Variants in MACF1 observed in about 807,000 individuals in gnomAD.
The protein encoded by MACF1 is microtubule-actin cross-linking factor 1.
A neutral mutation model predicts 854.8 loss-of-function variants in MACF1; 193 were observed. That is an observed-to-expected ratio of 0.23 (90% confidence interval 0.20 to 0.25). The LOEUF (loss-of-function observed/expected upper bound fraction) is 0.25, where lower values mean the gene tolerates loss of function less well. MACF1 is among the 10% of genes least tolerant of loss of function. The pLI is 1.00. For synonymous variants in MACF1, 3,185 were observed against 3,226.7 expected, an observed-to-expected ratio of 0.99 and a Z score of 0.44; for missense variants, 7,722 against 8,929.1, an observed-to-expected ratio of 0.86 and a Z score of 5.45.
At chr1:39,169,171 T>G (rs1406100841) in intron 2 of MACF1, among the ~76,000 whole-genome samples, 1 of 152,246 alleles carries the variant, frequency 6.6e-6, no homozygotes, top group Non-Finnish European at 1.5e-5. Context: ...CAGTCACTTA[T>G]CACTTTGTAC....
At chr1:39,091,386 C>T (rs969320940) in intron 2 of MACF1, among the ~76,000 whole-genome samples, 20 of 152,182 alleles carry the variant, frequency 1.3e-4, no homozygotes, top group African/African-American at 4.8e-4. Flanking sequence ...GCCTCAGTTT[C>T]TTACAGTTAA....
chr1:39,431,623 G>A (rs1286129268), intron 66 of MACF1, among the ~76,000 whole-genome samples: 1 of 152,110 alleles, frequency 6.6e-6, no homozygotes, highest in Non-Finnish European at 1.5e-5. Context: ...CTTGGGAGAA[G>A]CGTATTTTTA....
intron 2 of MACF1, among the ~76,000 whole-genome samples, chr1:39,185,544 C>T (rs990906834): frequency 2.0e-5 from 3 of 151,534 alleles, no homozygotes; most frequent in African/African-American, 7.3e-5. Context: ...CAAGATATAT[C>T]AGAAGCAAGA....
rs369444363 is a variant in MACF1, at chr1:39,185,514, A to AT, written c.221-45658dup. On this transcript the variant is annotated intron_variant, in intron 2 of 93. Transcript: ENST00000361689. ...AGGCCCAGTTTCTTTAAAAAAAAAA[A>AT]TTTTTTTTTTAAATAAACCCAAGAT... Among the ~76,000 whole-genome samples, 1,394 of 149,892 alleles carry AT rather than the reference A, an allele frequency of 9.3e-3. 8 individuals carry two copies. The highest frequency in any genetic ancestry group is 0.015 in the Non-Finnish European group (1,013 of 67,472).
In MACF1 at chr1:39,452,704, A is replaced by G. The variant is rs369175368; in HGVS notation, c.20634A>G (p.Thr6878=). Residue 6878 remains threonine (T), a synonymous_variant, in exon 87 of 101, where the codon ACA becomes ACG. Coordinates refer to ENST00000564288, the MANE Select transcript of MACF1 (RefSeq NM_001394062.1). ...ALKQAEVFRD[T]VHMLLEWLSE... is the part of the protein sequence containing the mutation. ...TTCAGGCGGAAGTGTTTCGAGACAC[A>G]GTCCACATGCTGTTGGAGTGGCTTT... The G allele has an allele frequency of 9.3e-6, 15 of 1,613,298 alleles. No individual in the cohort carries two copies. The African/African-American group carries it at 2.0e-4, about 22-fold the overall frequency.
chr1:39,477,159 T>A, intron 97 of MACF1, among the ~76,000 whole-genome samples: 1 of 67,374 alleles, frequency 1.5e-5, no homozygotes, highest in Non-Finnish European at 3.0e-5. Context: ...CACACAGATG[T>A]GCAAAGGAGT....
chr1:39,271,370 G>A (rs1319853136), intron 6 of MACF1, among the ~76,000 whole-genome samples: 1 of 152,042 alleles, frequency 6.6e-6, no homozygotes, highest in Non-Finnish European at 1.5e-5. Context: ...TTAAATGACC[G>A]AATCTCATGA....
At chr1:39,452,430 C>A in intron 86 of MACF1, 80 bp downstream of exon 86, 1 of 1,397,624 alleles carries the variant, frequency 7.2e-7, no homozygotes. Flanking sequence ...GAATCTGTTC[C>A]AGTCAGTCTT....
chr1:39,194,211 T>G (rs1644288984), intron 2 of MACF1, among the ~76,000 whole-genome samples: 1 of 152,160 alleles, frequency 6.6e-6, no homozygotes, highest in African/African-American at 2.4e-5. Context: ...TTACTTTCCC[T>G]TTTCTTTCTT....
intron 1 of MACF1, chr1:39,215,171 A>G (rs1644560930): frequency 6.6e-6 from 1 of 152,488 alleles, no homozygotes; most frequent in Admixed American, 6.6e-5. Context: ...CCTAGGGAGG[A>G]GCTTCCTCTC....
At chr1:39,449,356 A>C (rs1644288481) in intron 84 of MACF1, among the ~76,000 whole-genome samples, 1 of 152,156 alleles carries the variant, frequency 6.6e-6, no homozygotes, top group Non-Finnish European at 1.5e-5. Flanking sequence ...TGTACCCACT[A>C]TGCCATGCTA....
chr1:39,411,892 C>T (rs1643023554), intron 58 of MACF1: 7 of 1,613,870 alleles, frequency 4.3e-6, no homozygotes, highest in Admixed American at 1.7e-5. Flanking sequence ...TTTTAATACC[C>T]TGGATTCTTC....
chr1:39,314,396 C>T (rs1016616260), intron 26 of MACF1, among the ~76,000 whole-genome samples: 3 of 150,606 alleles, frequency 2.0e-5, no homozygotes, highest in African/African-American at 4.9e-5. Flanking sequence ...GCAACAAGAG[C>T]GAAACTCTGT....
chr1:39,444,104 G>A (rs373962868), intron 79 of MACF1, among the ~76,000 whole-genome samples: 2 of 152,306 alleles, frequency 1.3e-5, no homozygotes, highest in South Asian at 4.1e-4. Context: ...GGGAGGCCGA[G>A]GTGGGTGGAT....
intron 2 of MACF1, among the ~76,000 whole-genome samples, chr1:39,187,212 G>A (rs550863386): frequency 6.6e-6 from 1 of 151,766 alleles, no homozygotes; most frequent in East Asian, 1.9e-4. Flanking sequence ...TTCCTTTTTG[G>A]ACCAACTTTT....
chr1:39,473,953 C>T (rs1378589574), intron 97 of MACF1, among the ~76,000 whole-genome samples: 3 of 152,074 alleles, frequency 2.0e-5, no homozygotes, highest in Admixed American at 6.6e-5. Context: ...GAGAAGGTAT[C>T]AGGAAAAGGA....
Position 39,337,266 on chromosome 1 carries a change from A to G in MACF1, c.10150A>G (p.Thr3384Ala), listed in dbSNP as rs745470090. Residue 3384 changes from threonine to alanine, a missense_variant, in exon 38 of 101, where the codon ACC becomes GCC. This residue lies in a region of MACF1 where 854 missense variants were observed against 852.6 expected (regional missense o/e 1.00). Transcript: ENST00000564288. ...LSLLRNIEMR[T>A]KQIQPLELNL... Reference sequence around the variant, plus strand: ...TCTGTTACGGAACATTGAAATGAGGACCAAACAGATTCAACCTTTGGAGCT... The same window carrying G: ...TCTGTTACGGAACATTGAAATGAGGGCCAAACAGATTCAACCTTTGGAGCT... 2.0e-5 allele frequency: 32 copies of G among 1,614,058 alleles called. No homozygotes were observed. The highest frequency in any genetic ancestry group is 2.6e-5 in the Non-Finnish European group (31 of 1,179,968).
intron 2 of MACF1, among the ~76,000 whole-genome samples, chr1:39,198,269 G>A (rs1644347251): frequency 1.3e-5 from 2 of 152,048 alleles, no homozygotes; most frequent in Admixed American, 1.3e-4. Context: ...AGCAGTTTGG[G>A]AGGCCCAGGC....
In MACF1 at chr1:39,303,061, C is replaced by A. The variant is rs183823103; in HGVS notation, c.2772C>A (p.Ala924=). The part of the protein sequence containing the change: ...CFLIPPPNKD[A]IEMASRVEQS... The stretch of plus-strand genomic sequence containing the variant: ...TCATCCCCCCACCCAATAAGGATGC[C>A]ATTGAGATGGCCAGCAGGTAACTTG... Residue 924 remains alanine (A), a synonymous_variant, in exon 23 of 101, where the codon GCC becomes GCA. Coordinates refer to ENST00000564288, the MANE Select transcript of MACF1 (RefSeq NM_001394062.1). 3.7e-6 allele frequency: 6 copies of A among 1,613,824 alleles called. No individual in the cohort carries two copies. The highest frequency in any genetic ancestry group is 1.6e-4 in the Middle Eastern group (1 of 6,068).
Sources: gnomAD v4.1 joint callset for allele counts (sites outside exome capture counted in the v4.1 genomes callset) on GRCh38, gnomAD v4.1.1 for gene constraint, gnomAD v4.1.1 regional missense constraint, MANE v1.5 for transcripts, NCBI Gene and HGNC (gene_info 2026-07-23, HGNC 2026-07-21) for gene names.